The following GRM8 variants were observed in gnomAD, a reference collection of about 807,000 sequenced individuals.
The protein encoded by GRM8 is glutamate metabotropic receptor 8, also known as metabotropic glutamate receptor 8.
GRM8 carries 47 observed loss-of-function variants against 87.2 expected under a neutral mutation model. That is an observed-to-expected ratio of 0.54 (90% confidence interval 0.43 to 0.69). GRM8 has a LOEUF of 0.69. Among genes scored for constraint, GRM8 ranks in the 30% least tolerant of loss-of-function variants. The pLI is 0.00. For synonymous variants in GRM8, 396 were observed against 404.5 expected (o/e 0.98, Z 0.25); for missense variants, 1,019 against 1,139.2 (o/e 0.89, Z 1.52).
intron 2 of GRM8, among the ~76,000 whole-genome samples, chr7:127,239,155 G>T (rs530016338): frequency 6.6e-6 from 1 of 152,198 alleles, no homozygotes; most frequent in African/African-American, 2.4e-5. Context: ...AGTTCAGGAA[G>T]ATACTGCAGG....
intron 8 of GRM8, among the ~76,000 whole-genome samples, chr7:126,575,367 A>G (rs963561952): frequency 5.3e-5 from 8 of 151,804 alleles, no homozygotes; most frequent in African/African-American, 1.9e-4. Context: ...GCTCCCACTG[A>G]TTCTACATTA....
At chr7:126,857,300 G>C (rs1482434613) in intron 6 of GRM8, among the ~76,000 whole-genome samples, 1 of 152,168 alleles carries the variant, frequency 6.6e-6, no homozygotes, top group Non-Finnish European at 1.5e-5. Flanking sequence ...CTGCAGGCAG[G>C]GGTGGCAGCT....
At chr7:126,937,774 A>G (rs1038334531) in intron 3 of GRM8, among the ~76,000 whole-genome samples, 2 of 152,156 alleles carry the variant, frequency 1.3e-5, no homozygotes, top group Admixed American at 6.5e-5. Flanking sequence ...CTTGTCCTTT[A>G]GTGCCGGGGT....
At chr7:126,630,629 C>T (rs973505852) in intron 7 of GRM8, among the ~76,000 whole-genome samples, 1 of 152,042 alleles carries the variant, frequency 6.6e-6, no homozygotes, top group Non-Finnish European at 1.5e-5. Context: ...GAAAAACGCT[C>T]AACAAAATAC....
chr7:126,649,025 C>A (rs1022223665), intron 7 of GRM8, among the ~76,000 whole-genome samples: 1 of 152,170 alleles, frequency 6.6e-6, no homozygotes, highest in Admixed American at 6.5e-5. Flanking sequence ...TAGCTTGGTG[C>A]ATTTCTTAGT....
intron 6 of GRM8, among the ~76,000 whole-genome samples, chr7:126,874,022 A>G (rs866179017): frequency 6.6e-6 from 1 of 152,086 alleles, no homozygotes; most frequent in Non-Finnish European, 1.5e-5. Context: ...ATTTGCCTGC[A>G]TACATTTTTG....
chr7:126,824,826 T>G (rs963988012), intron 6 of GRM8, among the ~76,000 whole-genome samples: 1 of 152,224 alleles, frequency 6.6e-6, no homozygotes. Flanking sequence ...CATGAACTGT[T>G]AGCAGTCCCA....
At chr7:127,094,758 AG>A in intron 3 of GRM8, among the ~76,000 whole-genome samples, 1 of 152,350 alleles carries the variant, frequency 6.6e-6, no homozygotes, top group East Asian at 1.9e-4. Flanking sequence ...AATAGGAGTT[AG>A]GTAGCAGGAA....
intron 3 of GRM8, among the ~76,000 whole-genome samples, chr7:126,938,094 A>G (rs1267990308): frequency 6.6e-6 from 1 of 152,246 alleles, no homozygotes; most frequent in African/African-American, 2.4e-5. Context: ...ACATGGTCAT[A>G]TAACTACATT....
rs1349459905 is a variant in GRM8 at position 126,904,248 on chromosome 7, C to T, written c.864-122G>A. ...GTAGGTCACTGTTTAACAATTAAGA[C>T]GATCATTCTAACTGCCCGAGTCTTA... On this transcript the variant is annotated intron_variant, in intron 4 of 10. Coordinates refer to ENST00000339582, the MANE Select transcript of GRM8 (RefSeq NM_000845.3). 7.6e-5 allele frequency: 61 copies of T among 803,554 alleles called. 1 individual carries two copies. The highest frequency in any genetic ancestry group is 7.0e-4 in the South Asian group (39 of 55,718). 49.8% of individuals were successfully genotyped at this position (803,554 alleles called of 1,614,324 possible).
In GRM8 at chr7:126,447,725, C is replaced by T. The variant is rs78889068; in HGVS notation, c.2431-1353G>A. 9.2e-5 allele frequency among the ~76,000 whole-genome samples: 14 copies of T among 152,020 alleles called. No individual in the cohort carries two copies. In the East Asian group the frequency reaches 2.5e-3, roughly 28 times the overall value. On this transcript the variant is annotated intron_variant, in intron 9 of 10. Transcript: ENST00000339582. ...TCTCTTAACAGATGGCAAAACCTTG[C>T]GGTAAAGAACTGTCCAAACCATGAG...
At chr7:127,159,360 C>G (rs1304418076) in intron 2 of GRM8, among the ~76,000 whole-genome samples, 1 of 152,134 alleles carries the variant, frequency 6.6e-6, no homozygotes, top group Non-Finnish European at 1.5e-5. Flanking sequence ...TAGCCACCAG[C>G]ATCTATTTTT....
chr7:126,872,925 G>A (rs577623602), intron 6 of GRM8, among the ~76,000 whole-genome samples: 32 of 152,186 alleles, frequency 2.1e-4, no homozygotes, highest in African/African-American at 7.5e-4. Flanking sequence ...TTTGTGAAAT[G>A]TCTTTTTTTC....
At chr7:126,637,504 G>T (rs1214229250) in intron 7 of GRM8, among the ~76,000 whole-genome samples, 1 of 151,958 alleles carries the variant, frequency 6.6e-6, no homozygotes, top group South Asian at 2.1e-4. Flanking sequence ...AATAAATAAT[G>T]GTTCTGGATA....
intron 9 of GRM8, among the ~76,000 whole-genome samples, chr7:126,472,351 A>C (rs1343524941): frequency 6.6e-6 from 1 of 152,070 alleles, no homozygotes; most frequent in Non-Finnish European, 1.5e-5. Context: ...ATTATTTTGA[A>C]ATACCTCCCA....
intron 9 of GRM8, among the ~76,000 whole-genome samples, chr7:126,527,715 A>G (rs1387920196): frequency 1.3e-5 from 2 of 152,238 alleles, no homozygotes; most frequent in Non-Finnish European, 2.9e-5. Flanking sequence ...ATTATAATAC[A>G]AAGATTTCAG....
intron 2 of GRM8, among the ~76,000 whole-genome samples, chr7:127,107,892 G>A (rs1166747270): frequency 6.6e-6 from 1 of 152,150 alleles, no homozygotes; most frequent in Non-Finnish European, 1.5e-5. Context: ...AAGTCATCCC[G>A]GGAGCAGCAG....
chr7:126,688,769 G>C (rs555798468), intron 7 of GRM8, among the ~76,000 whole-genome samples: 1,481 of 112,136 alleles, frequency 0.013, 23 homozygotes, highest in African/African-American at 0.051. Context: ...CACACACACA[G>C]AGACACACAG....
intron 3 of GRM8, among the ~76,000 whole-genome samples, chr7:127,094,284 G>C (rs1824433962): frequency 6.6e-6 from 1 of 152,206 alleles, no homozygotes; most frequent in Non-Finnish European, 1.5e-5. Flanking sequence ...CTTTGGGGCT[G>C]AGCATGGGAG....
Sources: allele counts gnomAD v4.1 joint callset (sites outside exome capture counted in the v4.1 genomes callset), GRCh38; gene constraint gnomAD v4.1.1; transcripts MANE v1.5; gene names NCBI Gene and HGNC (gene_info 2026-07-23, HGNC 2026-07-21).